AGBL4: variants seen among roughly 807,000 people sequenced by gnomAD.
AGBL4 encodes AGBL carboxypeptidase 4, also known as cytosolic carboxypeptidase 6.
AGBL4 carries 58 observed loss-of-function variants against 66.4 expected under a neutral mutation model. The ratio of observed to expected loss-of-function variants is 0.87; its 90% CI spans 0.71 to 1.09. The LOEUF (loss-of-function observed/expected upper bound fraction) is 1.09, where lower values mean the gene tolerates loss of function less well. Among genes scored for constraint, AGBL4 ranks in the 50% least tolerant of loss-of-function variants. The pLI, the probability that AGBL4 is intolerant of heterozygous loss-of-function variation, is 0.00. For missense variants in AGBL4, 579 were observed against 631.0 expected (o/e 0.92, Z 0.88); for synonymous variants, 234 against 222.9 (o/e 1.05, Z -0.44).
chr1:49,492,408 A>G (rs956978765), intron 3 of AGBL4, among the ~76,000 whole-genome samples: 1 of 151,892 alleles, frequency 6.6e-6, no homozygotes, highest in African/African-American at 2.4e-5. Context: ...TTACTTTTGA[A>G]ATTTTCCACT....
At chr1:48,740,488 CA>C in intron 6 of AGBL4, among the ~76,000 whole-genome samples, 1 of 152,130 alleles carries the variant, frequency 6.6e-6, no homozygotes, top group East Asian at 1.9e-4. Flanking sequence ...AACATTTAGA[CA>C]AAGAAACACA....
intron 6 of AGBL4, among the ~76,000 whole-genome samples, chr1:48,683,230 A>G (rs778153039): frequency 2.0e-5 from 3 of 152,168 alleles, no homozygotes; most frequent in Non-Finnish European, 4.4e-5. Context: ...CCAACTCAAG[A>G]AGTTTTCCCT....
chr1:49,639,414 G>C (rs1431627180), intron 3 of AGBL4, among the ~76,000 whole-genome samples: 1 of 152,188 alleles, frequency 6.6e-6, no homozygotes, highest in African/African-American at 2.4e-5. Context: ...TAGAAAGTGA[G>C]CTTCTCTCAC....
chr1:49,130,353 A>T (rs1397849205), intron 4 of AGBL4, among the ~76,000 whole-genome samples: 1 of 152,090 alleles, frequency 6.6e-6, no homozygotes, highest in Non-Finnish European at 1.5e-5. Flanking sequence ...TTCGGTTGCC[A>T]TTGCTTTTGG....
intron 5 of AGBL4, among the ~76,000 whole-genome samples, chr1:49,011,345 C>A (rs1267084036): frequency 6.6e-6 from 1 of 151,420 alleles, no homozygotes; most frequent in Non-Finnish European, 1.5e-5. Context: ...CATCTCACAC[C>A]AGTTAGAATG....
chr1:49,358,150 G>T (rs1348626622), intron 3 of AGBL4, among the ~76,000 whole-genome samples: 1 of 152,050 alleles, frequency 6.6e-6, no homozygotes, highest in Non-Finnish European at 1.5e-5. Context: ...GAGTATGAGG[G>T]CTGGAATGCA....
intron 3 of AGBL4, among the ~76,000 whole-genome samples, chr1:49,435,976 A>G (rs1277559619): frequency 6.6e-6 from 1 of 152,188 alleles, no homozygotes; most frequent in African/African-American, 2.4e-5. Context: ...TAAATATGTC[A>G]AAGGTGCTGG....
chr1:49,287,664 A>T lies in AGBL4; in HGVS notation c.283-41800T>A, dbSNP rs1466605941. ...AAATGCAAAGCAAAACCACAATGAG[A>T]TACCATCTCACACCAGTTAGAATGG... is the stretch of plus-strand genomic sequence containing the variant. On this transcript the variant is annotated intron_variant, in intron 3 of 13. Transcript: ENST00000371839. Among the ~76,000 whole-genome samples the T allele has an allele frequency of 5.9e-5, 9 of 152,260 alleles. No homozygotes were observed. The East Asian group carries it at 1.7e-3, about 29-fold the overall frequency.
chr1:49,127,899 CACA>C (rs976678315), intron 4 of AGBL4, among the ~76,000 whole-genome samples: 16 of 152,022 alleles, frequency 1.1e-4, no homozygotes, highest in African/African-American at 3.6e-4. Flanking sequence ...AATACAAACA[CACA>C]ACAATGTAAA....
Position 49,932,034 on chromosome 1 carries a change from T to C in AGBL4, c.35-80516A>G, listed in dbSNP as rs192913931. On this transcript the variant is annotated intron_variant, in intron 1 of 13. Coordinates refer to ENST00000371839, the MANE Select transcript of AGBL4 (RefSeq NM_032785.4). ...AGATTTTGGGTTGGCAGATTAATAA[T>C]GATCAACTGGTAACTATAATGGAAA... is the stretch of plus-strand genomic sequence containing the variant. 3.0e-3 allele frequency among the ~76,000 whole-genome samples: 453 copies of C among 152,252 alleles called. 2 individuals are homozygous for C. Among genetic ancestry groups the C allele is most frequent in the African/African-American group, 0.01 (430 of 41,554 alleles).
chr1:49,099,899 T>C (rs1645170255), intron 4 of AGBL4, among the ~76,000 whole-genome samples: 1 of 152,080 alleles, frequency 6.6e-6, no homozygotes, highest in Non-Finnish European at 1.5e-5. Flanking sequence ...GAACAGCAAA[T>C]TTCTGTCTGT....
chr1:49,739,963 G>C (rs892285586), intron 2 of AGBL4, among the ~76,000 whole-genome samples: 5 of 152,114 alleles, frequency 3.3e-5, no homozygotes, highest in Non-Finnish European at 7.4e-5. Flanking sequence ...GAATTCTAAA[G>C]ACCATTGAGG....
intron 9 of AGBL4, among the ~76,000 whole-genome samples, chr1:48,633,735 T>C (rs911295578): frequency 2.6e-5 from 4 of 152,246 alleles, no homozygotes; most frequent in Non-Finnish European, 4.4e-5. Flanking sequence ...GCTTCATTTC[T>C]CTAAGCTATG....
chr1:49,039,666 C>T (rs1664957528), intron 5 of AGBL4, among the ~76,000 whole-genome samples: 1 of 152,050 alleles, frequency 6.6e-6, no homozygotes, highest in African/African-American at 2.4e-5. Flanking sequence ...TCGGCCCTTA[C>T]TTTATTCCAC....
At chr1:49,343,043 T>C (rs1034992998) in intron 3 of AGBL4, among the ~76,000 whole-genome samples, 2 of 152,206 alleles carry the variant, frequency 1.3e-5, no homozygotes, top group Non-Finnish European at 2.9e-5. Flanking sequence ...GCTATACATA[T>C]ATTTAAAAGA....
rs1004336274 is a variant in AGBL4 at position 48,736,620 on chromosome 1, G to A, written c.635-73379C>T. Among the ~76,000 whole-genome samples, 3 of 152,166 alleles carry A rather than the reference G, an allele frequency of 2.0e-5. No individual in the cohort carries two copies. The highest frequency in any genetic ancestry group is 2.1e-4 in the South Asian group (1 of 4,818). On this transcript the variant is annotated intron_variant, in intron 6 of 13. Transcript: ENST00000371839. The surrounding 1 kb of genome is among the most constrained non-coding windows in gnomAD (Gnocchi z 4.0). ...GTAATAGCTATCATCTACTGAATAC[G>A]TGTAGTGTGCCAGGCCTTATTCTAG...
chr1:49,025,648 G>T (rs1410959093), intron 5 of AGBL4: 1 of 152,142 alleles, frequency 6.6e-6, no homozygotes, highest in Non-Finnish European at 1.5e-5. Flanking sequence ...AGGTGACAAA[G>T]TGTGACCATA....
chr1:48,856,617 T>C (rs940640293), intron 6 of AGBL4, among the ~76,000 whole-genome samples: 2 of 152,164 alleles, frequency 1.3e-5, no homozygotes, highest in Non-Finnish European at 1.5e-5. Context: ...GTTCAAATCA[T>C]AGGAGACTTT....
intron 4 of AGBL4, among the ~76,000 whole-genome samples, chr1:49,223,325 AGG>A (rs1649647741): frequency 6.6e-6 from 1 of 152,094 alleles, no homozygotes; most frequent in African/African-American, 2.4e-5. Flanking sequence ...GGGAAGGAGG[AGG>A]ATTTATCAGT....
Sources: allele counts gnomAD v4.1 joint callset (sites outside exome capture counted in the v4.1 genomes callset), GRCh38; gene constraint gnomAD v4.1.1; non-coding constraint Gnocchi (gnomAD v3.1); transcripts MANE v1.5; gene names NCBI Gene and HGNC (gene_info 2026-07-23, HGNC 2026-07-21).